The following RFT1 variants were observed in gnomAD, a reference collection of about 807,000 sequenced individuals.
RFT1 encodes man(5)GlcNAc(2)-PP-dolichol translocation protein RFT1.
A neutral mutation model predicts 62.2 loss-of-function variants in RFT1; 43 were observed. The observed-to-expected ratio is 0.69, with a 90% CI of 0.54 to 0.89. RFT1 has a LOEUF of 0.89. Ranked by LOEUF, RFT1 falls within the 40% of genes least tolerant of loss-of-function variation. The pLI is 0.00. For missense variants in RFT1, 605 were observed against 649.9 expected (o/e 0.93, Z 0.75); for synonymous variants, 262 against 264.6 (o/e 0.99, Z 0.10).
At chr3:53,097,682 G>A (rs554691861) in intron 11 of RFT1, among the ~76,000 whole-genome samples, 37 of 152,274 alleles carry the variant, frequency 2.4e-4, no homozygotes, top group African/African-American at 8.2e-4. Context: ...TGAAGTTACC[G>A]TAACAAAATT....
intron 11 of RFT1, among the ~76,000 whole-genome samples, chr3:53,093,640 G>A (rs1450764292): frequency 2.6e-5 from 4 of 152,132 alleles, no homozygotes; most frequent in African/African-American, 9.7e-5. Flanking sequence ...TGCTTTGAGA[G>A]GCTGAAGTGG....
At chr3:53,094,335 G>A (rs55950520) in intron 11 of RFT1, among the ~76,000 whole-genome samples, 40,566 of 147,224 alleles carry the variant, frequency 0.28, 5,973 homozygotes, top group Middle Eastern at 0.4. Context: ...CAAAGTGGGT[G>A]GTAAAAATAC....
chr3:53,115,316 C>A (rs1258778474), intron 6 of RFT1, among the ~76,000 whole-genome samples: 1 of 152,092 alleles, frequency 6.6e-6, no homozygotes, highest in Non-Finnish European at 1.5e-5. Flanking sequence ...ATAAGAAGTC[C>A]TGTCTCATGG....
chr3:53,104,086 A>G lies in RFT1; in HGVS notation c.969T>C (p.Ala323=), dbSNP rs893435134. ...DATLQKQEDV[A]VAAAVLESLL... The stretch of plus-strand genomic sequence containing the variant: ...GGGACTCCAAGACTGCAGCAGCCAC[A>G]GCAACGTCCTCCTGGGGCCAGGGAA... The change falls in exon 10 of 13, where the codon GCT becomes GCC. Residue 323 remains alanine, a synonymous_variant. Coordinates refer to ENST00000296292, the MANE Select transcript of RFT1 (RefSeq NM_052859.4). The G allele has an allele frequency of 2.5e-6, 4 of 1,614,112 alleles. No individual in the cohort carries two copies. Among genetic ancestry groups the G allele is most frequent in the Admixed American group, 3.3e-5 (2 of 60,010 alleles).
chr3:53,117,564 A>G (rs1701844790), intron 6 of RFT1, among the ~76,000 whole-genome samples: 1 of 152,182 alleles, frequency 6.6e-6, no homozygotes, highest in African/African-American at 2.4e-5. Flanking sequence ...CCTTCTCATG[A>G]TCAGGGCTTG....
intron 11 of RFT1, 22 bp downstream of exon 11, chr3:53,099,359 G>A: frequency 6.3e-7 from 1 of 1,579,698 alleles, no homozygotes; most frequent in Non-Finnish European, 8.7e-7. Context: ...ATGATTAAAG[G>A]TGTACCTGCT....
chr3:53,111,810 CAG>C lies in RFT1; in HGVS notation c.775+18_775+19del. On this transcript the variant is annotated intron_variant, in intron 7 of 12. Transcript: ENST00000296292. The stretch of plus-strand genomic sequence containing the variant: ...CTTCTACTATGGTCTCCCGACGATT[CAG>C]AGTGACCGTCTACTTACCTTCTGTC... 6 of 1,603,600 alleles carry C rather than the reference CAG, an allele frequency of 3.7e-6. No individual in the cohort carries two copies. Among genetic ancestry groups the C allele is most frequent in the Admixed American group, 1.7e-5 (1 of 60,002 alleles).
At chr3:53,106,035 T>TC in intron 8 of RFT1, among the ~76,000 whole-genome samples, 1 of 151,598 alleles carries the variant, frequency 6.6e-6, no homozygotes, top group Admixed American at 6.6e-5. Context: ...GAGTTTGAGA[T>TC]GAGCCTGGGA....
At position 53,104,114 on chromosome 3, in the gene RFT1, G is replaced by A. The variant is rs375365942; in HGVS notation, c.958-17C>T. On this transcript the variant is annotated splice_polypyrimidine_tract_variant and intron_variant, in intron 9 of 12. Coordinates refer to ENST00000296292, the MANE Select transcript of RFT1 (RefSeq NM_052859.4). ...AACGTCCTCCTGGGGCCAGGGAAGA[G>A]GGAAGGAAGTTGGATGAATCATGAG... The A allele has an allele frequency of 8.7e-6, 14 of 1,613,934 alleles. No individual in the cohort carries two copies. The highest frequency in any genetic ancestry group is 1.2e-5 in the Non-Finnish European group (14 of 1,179,966).
chr3:53,096,628 A>G (rs1701149217), intron 11 of RFT1, among the ~76,000 whole-genome samples: 1 of 151,668 alleles, frequency 6.6e-6, no homozygotes, highest in African/African-American at 2.4e-5. Flanking sequence ...GGCTGCAGTG[A>G]GCCAAGATCA....
downstream of RFT1, among the ~76,000 whole-genome samples, chr3:53,086,744 C>T (rs529439795): frequency 4.6e-5 from 7 of 152,340 alleles, no homozygotes; most frequent in East Asian, 1.2e-3. Context: ...ACAGGCCTCC[C>T]GGCTTCCAGT....
In RFT1 at chr3:53,126,932, A is replaced by T. The variant is rs530978493; in HGVS notation, c.64-938T>A. ...GCAATTTGGAAGATTTGATCTAAGCATATCAATGGACTACTGTGGTCTGAA... is the reference window on the plus strand; with the variant it reads ...GCAATTTGGAAGATTTGATCTAAGCTTATCAATGGACTACTGTGGTCTGAA... On this transcript the variant is annotated intron_variant, in intron 1 of 12. Transcript: ENST00000296292. 9.8e-5 allele frequency among the ~76,000 whole-genome samples: 15 copies of T among 152,328 alleles called. No homozygotes were observed. The South Asian group carries it at 3.1e-3, about 32-fold the overall frequency.
the RFT1 span, among the ~76,000 whole-genome samples, chr3:53,072,699 T>C: frequency 6.6e-6 from 1 of 152,356 alleles, no homozygotes; most frequent in East Asian, 1.9e-4. Flanking sequence ...CAGTGGACTT[T>C]CGGACGCATC....
In RFT1 at chr3:53,089,538, G is replaced by C. The variant is rs1250303075; in HGVS notation, c.*2365C>G. On this transcript the variant is annotated 3_prime_UTR_variant, in exon 13 of 13. Transcript: ENST00000296292. ...ATGTATGCAAGCTCCCTGAGGCACAGCTGTGGCTCTAGGGGGTCCAGCAGG... is the reference window on the plus strand; with the variant it reads ...ATGTATGCAAGCTCCCTGAGGCACACCTGTGGCTCTAGGGGGTCCAGCAGG... The C allele has an allele frequency of 6.6e-6, 1 of 152,294 alleles. No homozygotes were observed. The highest frequency in any genetic ancestry group is 1.9e-4 in the East Asian group (1 of 5,204). 9.4% of individuals were successfully genotyped at this position (152,294 alleles called of 1,614,324 possible). A position where few individuals can be genotyped will look rare whatever the true frequency, so the allele number is the denominator to read the frequency against.
chr3:53,099,291 G>T, intron 11 of RFT1, 90 bp downstream of exon 11: 1 of 1,028,666 alleles, frequency 9.7e-7, no homozygotes. Flanking sequence ...ATCTGTAAAT[G>T]CATGTTCAGA....
chr3:53,100,833 T>A (rs554003315), intron 10 of RFT1, among the ~76,000 whole-genome samples: 2 of 152,282 alleles, frequency 1.3e-5, no homozygotes, highest in East Asian at 3.9e-4. Flanking sequence ...ATGGAGATAT[T>A]CTATGTCTGA....
At position 53,111,998 on chromosome 3, in the gene RFT1, C is replaced by T. The variant is rs1243124176; in HGVS notation, c.697-90G>A. On this transcript the variant is annotated intron_variant, in intron 6 of 12. Coordinates refer to ENST00000296292, the MANE Select transcript of RFT1 (RefSeq NM_052859.4). ...ACATGAGAGGCAAATGCAATCTGGT[C>T]TCTAAATCCCAACTTGGATAGTCTC... 5.1e-6 allele frequency: 5 copies of T among 979,814 alleles called. No homozygotes were observed. In the South Asian group the frequency reaches 5.1e-5, roughly 10 times the overall value. The allele number at this position is 979,814 out of a possible 1,614,324, so 60.7% of individuals were successfully genotyped here.
intron 11 of RFT1, among the ~76,000 whole-genome samples, chr3:53,093,282 C>T (rs866664851): frequency 6.6e-6 from 1 of 152,174 alleles, no homozygotes; most frequent in Admixed American, 6.5e-5. Flanking sequence ...TCTTACATAT[C>T]CTCACTCCCA....
At chr3:53,094,270 T>C (rs1422591661) in intron 11 of RFT1, among the ~76,000 whole-genome samples, 1 of 152,042 alleles carries the variant, frequency 6.6e-6, no homozygotes, top group Non-Finnish European at 1.5e-5. Flanking sequence ...TGCCCAGGTA[T>C]AGGTCCTTGG....
Sources: gnomAD v4.1 joint callset for allele counts (sites outside exome capture counted in the v4.1 genomes callset) on GRCh38, gnomAD v4.1.1 for gene constraint, MANE v1.5 for transcripts, NCBI Gene and HGNC (gene_info 2026-07-23, HGNC 2026-07-21) for gene names.